The following SLC14A2 variants were observed in gnomAD, a reference collection of about 807,000 sequenced individuals.
SLC14A2 encodes the protein solute carrier family 14 member 2.
In SLC14A2, 91 loss-of-function variants were observed where a neutral mutation model predicts 104.6. The observed-to-expected ratio is 0.87, with a 90% CI of 0.73 to 1.04. SLC14A2 has a LOEUF of 1.04. Among genes scored for constraint, SLC14A2 ranks in the 50% least tolerant of loss-of-function variants. The probability of loss-of-function intolerance (pLI) is 0.00; values close to 1 mark genes in which losing one functional copy is unlikely to be tolerated. For synonymous variants in SLC14A2, 476 were observed against 466.4 expected, an observed-to-expected ratio of 1.02 and a Z score of -0.27; for missense variants, 1,189 against 1,156.0, an observed-to-expected ratio of 1.03 and a Z score of -0.41.
intron 1 of SLC14A2, among the ~76,000 whole-genome samples, chr18:45,328,713 G>A (rs944079326): frequency 1.3e-5 from 2 of 152,188 alleles, no homozygotes; most frequent in African/African-American, 4.8e-5. Flanking sequence ...CACTAAAGAT[G>A]GGAGCTCCTT....
intron 6 of SLC14A2, 100 bp downstream of exon 6, chr18:45,637,282 A>AGTTG: frequency 1.1e-6 from 1 of 928,452 alleles, no homozygotes; most frequent in Non-Finnish European, 1.7e-6. Context: ...CTTCTCTAGA[A>AGTTG]ACATCTATAC....
intron 5 of SLC14A2, chr18:45,634,821 G>A (rs750948095): frequency 2.2e-6 from 1 of 457,274 alleles, no homozygotes; most frequent in Admixed American, 2.3e-5. Context: ...TCTGTTTGCA[G>A]GATGGAGACG....
intron 1 of SLC14A2, among the ~76,000 whole-genome samples, chr18:45,398,335 C>T (rs1224424090): frequency 7.2e-5 from 11 of 152,166 alleles, no homozygotes; most frequent in African/African-American, 2.2e-4. Context: ...GCTAAGATTC[C>T]TGAGGGAAAC....
intron 1 of SLC14A2, among the ~76,000 whole-genome samples, chr18:45,435,518 G>T (rs190493729): frequency 3.3e-5 from 5 of 152,286 alleles, no homozygotes; most frequent in Admixed American, 6.5e-5. Context: ...ATACTAGATT[G>T]AGTTCTCTTT....
At chr18:45,388,064 C>CTTTTTTTTTTTTTTTTT (rs58962313) in intron 1 of SLC14A2, among the ~76,000 whole-genome samples, 2 of 69,052 alleles carry the variant, frequency 2.9e-5, no homozygotes, top group African/African-American at 1.2e-4. Context: ...TTGCTCATAT[C>CTTTTTTTTTTTTTTTTT]TTTTTTTTTT....
intron 1 of SLC14A2, among the ~76,000 whole-genome samples, chr18:45,232,642 CTGTT>C (rs997564913): frequency 6.6e-6 from 1 of 152,224 alleles, no homozygotes; most frequent in South Asian, 2.1e-4. Context: ...CATAGACAAT[CTGTT>C]TGTGAACCAA....
intron 18 of SLC14A2, among the ~76,000 whole-genome samples, chr18:45,674,207 G>A (rs911634784): frequency 6.6e-6 from 1 of 152,192 alleles, no homozygotes; most frequent in Non-Finnish European, 1.5e-5. Flanking sequence ...ACTGTAACAA[G>A]TTGGTAGATT....
rs1275529102 is a variant in SLC14A2, at chr18:45,668,351, C to G, written c.1910C>G (p.Ser637Trp). ...LTALILSQDKSAIAAGFHGYN... is the reference protein window; with the variant it reads ...LTALILSQDKWAIAAGFHGYN... ...CCTGACCCTCCCTCTCCTGCCAGGT[C>G]GGCCATCGCTGCAGGATTTCACGGC... is the stretch of plus-strand genomic sequence containing the variant. Residue 637 changes from serine to tryptophan, a missense_variant and splice_region_variant, in exon 15 of 20, where the codon TCG (serine) becomes TGG (tryptophan). Physicochemically the swap from Ser to Trp is radical, Grantham distance 177. Transcript: ENST00000255226. 5 of 1,613,852 alleles carry G rather than the reference C, an allele frequency of 3.1e-6. No homozygotes were observed. The African/African-American group carries it at 4.0e-5, about 13-fold the overall frequency.
intron 2 of SLC14A2, among the ~76,000 whole-genome samples, chr18:45,591,752 A>C (rs1344225679): frequency 6.6e-6 from 1 of 152,228 alleles, no homozygotes; most frequent in Non-Finnish European, 1.5e-5. Flanking sequence ...AGGAGACCCC[A>C]CTATACACTA....
intron 2 of SLC14A2, among the ~76,000 whole-genome samples, chr18:45,550,704 TGTG>T (rs1472549421): frequency 6.6e-6 from 1 of 152,126 alleles, no homozygotes; most frequent in Non-Finnish European, 1.5e-5. Context: ...AGAATCCAAG[TGTG>T]GTGAAAATCT....
chr18:45,206,220 G>A, the SLC14A2 span, among the ~76,000 whole-genome samples: 3 of 152,176 alleles, frequency 2.0e-5, no homozygotes, highest in African/African-American at 7.2e-5. Flanking sequence ...TGTAGCCCCT[G>A]TAGCTCAGTC....
At chr18:45,680,053 G>A (rs2046289363) in intron 19 of SLC14A2, among the ~76,000 whole-genome samples, 1 of 152,184 alleles carries the variant, frequency 6.6e-6, no homozygotes, top group South Asian at 2.1e-4. Context: ...GAAGCCCTAA[G>A]ATAGTGAGCC....
At chr18:45,303,030 G>GAAAAGA (rs950914012) in intron 1 of SLC14A2, among the ~76,000 whole-genome samples, 8 of 151,848 alleles carry the variant, frequency 5.3e-5, no homozygotes, top group African/African-American at 9.7e-5. Flanking sequence ...AAAAAGAAAA[G>GAAAAGA]AAAAGAAAAA....
chr18:45,454,333 T>G (rs1445682466), intron 1 of SLC14A2, among the ~76,000 whole-genome samples: 1 of 152,168 alleles, frequency 6.6e-6, no homozygotes, highest in East Asian at 1.9e-4. Context: ...TAGCATCCAT[T>G]CATTGACTAA....
exon 2 of SLC14A2, chr18:45,483,305 A>G (rs1186273213): frequency 6.6e-6 from 1 of 152,216 alleles, no homozygotes; most frequent in Non-Finnish European, 1.5e-5. Context: ...CACTGACAAC[A>G]CTGTGACCAA....
At chr18:45,576,336 T>A (rs1190077785) in intron 2 of SLC14A2, among the ~76,000 whole-genome samples, 1 of 136,340 alleles carries the variant, frequency 7.3e-6, no homozygotes, top group Non-Finnish European at 1.5e-5. Flanking sequence ...CAGGCTGGAG[T>A]ACAATGGCGC....
At chr18:45,376,325 T>C (rs1282868829) in intron 1 of SLC14A2, among the ~76,000 whole-genome samples, 1 of 152,154 alleles carries the variant, frequency 6.6e-6, no homozygotes, top group Admixed American at 6.6e-5. Flanking sequence ...AAATAAATGC[T>C]CAGAAAGTGT....
At chr18:45,260,716 A>C (rs2084526779) in intron 1 of SLC14A2, among the ~76,000 whole-genome samples, 1 of 152,200 alleles carries the variant, frequency 6.6e-6, no homozygotes, top group South Asian at 2.1e-4. Context: ...GAAACAGCCA[A>C]ATGCCATGTA....
intron 1 of SLC14A2, among the ~76,000 whole-genome samples, chr18:45,442,069 C>T (rs1036407869): frequency 2.0e-5 from 3 of 152,110 alleles, no homozygotes; most frequent in African/African-American, 7.2e-5. Flanking sequence ...ACTAGCCTTT[C>T]CTAGCTTTTA....
Sources: gnomAD v4.1 joint callset for allele counts (sites outside exome capture counted in the v4.1 genomes callset) on GRCh38, gnomAD v4.1.1 for gene constraint, MANE v1.5 for transcripts, NCBI Gene and HGNC (gene_info 2026-07-23, HGNC 2026-07-21) for gene names.